The following KCNJ1 variants were observed in gnomAD, a reference collection of about 807,000 sequenced individuals.
The protein encoded by KCNJ1 is potassium inwardly rectifying channel subfamily J member 1, also known as ATP-sensitive inward rectifier potassium channel 1.
A neutral mutation model predicts 21.9 loss-of-function variants in KCNJ1; 24 were observed. That is an observed-to-expected ratio of 1.10 (90% CI 0.79 to 1.54). KCNJ1 has a LOEUF of 1.54. KCNJ1 is among the 40% of genes most tolerant of loss of function. The pLI is 0.00. For missense variants in KCNJ1, 457 were observed against 455.4 expected, an observed-to-expected ratio of 1.00 and a Z score of -0.03; for synonymous variants, 152 against 160.9, an observed-to-expected ratio of 0.94 and a Z score of 0.42.
chr11:128,863,974 G>A (rs532225109), intron 1 of KCNJ1, among the ~76,000 whole-genome samples: 24 of 151,640 alleles, frequency 1.6e-4, no homozygotes, highest in African/African-American at 5.3e-4. Flanking sequence ...GCTTAGAATC[G>A]TCCTGCGTGG....
At chr11:128,856,231 T>C (rs1415792416) in intron 1 of KCNJ1, among the ~76,000 whole-genome samples, 1 of 131,934 alleles carries the variant, frequency 7.6e-6, no homozygotes, top group Admixed American at 7.6e-5. Context: ...GAGAAAAAGA[T>C]TGCCCATGGA....
In KCNJ1 at chr11:128,850,751, T is replaced by C. The variant is rs1943466410; in HGVS notation, c.-52A>G. ...TCAGAAGAGGTTCAGGAGATGATTT[T>C]CAAAACTTCATGTATAAGTAGATCT... On this transcript the variant is annotated 5_prime_UTR_variant, in exon 2 of 3. An upstream open reading frame in the 5' UTR loses its in-frame stop. Coordinates refer to ENST00000392666, the MANE Select transcript of KCNJ1 (RefSeq NM_153766.3). 1 of 985,334 alleles carries C rather than the reference T, an allele frequency of 1.0e-6. No homozygotes were observed. Among genetic ancestry groups the C allele is most frequent in the Non-Finnish European group, 1.2e-6 (1 of 829,932 alleles). 61.0% of individuals were successfully genotyped at this position (985,334 alleles called of 1,614,324 possible). A position where few individuals can be genotyped will look rare whatever the true frequency, so the allele number is the denominator to read the frequency against.
At position 128,855,897 on chromosome 11, in the gene KCNJ1, G is replaced by A. The variant is rs567032890; in HGVS notation, c.-191-5007C>T. Among the ~76,000 whole-genome samples the A allele has an allele frequency of 5.9e-5, 9 of 152,328 alleles. No homozygotes were observed. The South Asian group carries it at 1.9e-3, about 32-fold the overall frequency. ...TAACTCCCAGGTCTGGATTTGGGCA[G>A]GCAGCTCTCACCTGCCAGACCCAAG... On this transcript the variant is annotated intron_variant, in intron 1 of 2. Transcript: ENST00000392666.
chr11:128,859,913 G>C (rs1482076232), intron 1 of KCNJ1, among the ~76,000 whole-genome samples: 1 of 152,248 alleles, frequency 6.6e-6, no homozygotes, highest in Non-Finnish European at 1.5e-5. Flanking sequence ...AAAAGTACCC[G>C]TAAGTAGGCA....
At chr11:128,853,241 C>G (rs1943509404) in intron 1 of KCNJ1, among the ~76,000 whole-genome samples, 1 of 152,106 alleles carries the variant, frequency 6.6e-6, no homozygotes, top group Non-Finnish European at 1.5e-5. Flanking sequence ...TCATAATAGC[C>G]AAAGAGTGGA....
intron 2 of KCNJ1, among the ~76,000 whole-genome samples, chr11:128,845,742 G>C (rs993633094): frequency 6.6e-6 from 1 of 152,216 alleles, no homozygotes; most frequent in African/African-American, 2.4e-5. Context: ...GGGCATAGAA[G>C]AGGGCATCTG....
chr11:128,842,057 C>T (rs1235382698), intron 2 of KCNJ1, among the ~76,000 whole-genome samples: 2 of 152,228 alleles, frequency 1.3e-5, no homozygotes, highest in African/African-American at 4.8e-5. Flanking sequence ...ACACTGTTTA[C>T]CCAGCTCTCC....
chr11:128,862,286 T>C lies in KCNJ1; in HGVS notation c.-192+4887A>G, dbSNP rs574141983. ...CAGCCTCCGTCCCCAGCAGACCTCATCCTGTCTCTTCAGTGGTGAGCATTG... is the reference window on the plus strand; with the variant it reads ...CAGCCTCCGTCCCCAGCAGACCTCACCCTGTCTCTTCAGTGGTGAGCATTG... On this transcript the variant is annotated intron_variant, in intron 1 of 2. Coordinates refer to ENST00000392666, the MANE Select transcript of KCNJ1 (RefSeq NM_153766.3). 2.0e-5 allele frequency among the ~76,000 whole-genome samples: 3 copies of C among 152,254 alleles called. No homozygotes were observed. In the East Asian group the frequency reaches 5.8e-4, roughly 29 times the overall value.
rs560523430 is a variant in KCNJ1 at position 128,863,071 on chromosome 11, G to A, written c.-192+4102C>T. On this transcript the variant is annotated intron_variant, in intron 1 of 2. Coordinates refer to ENST00000392666, the MANE Select transcript of KCNJ1 (RefSeq NM_153766.3). ...TCCTGAGAATTTAATCAAGGGCAAC[G>A]AACCATGAGACTTCCCCTACGGGTA... is the stretch of plus-strand genomic sequence containing the variant. 7.8e-4 allele frequency among the ~76,000 whole-genome samples: 119 copies of A among 152,324 alleles called. 1 individual carries two copies. Among genetic ancestry groups the A allele is most frequent in the Non-Finnish European group, 6.3e-4 (43 of 68,024 alleles).
intron 2 of KCNJ1, chr11:128,842,378 T>C: frequency 6.2e-7 from 1 of 1,613,828 alleles, no homozygotes; most frequent in Non-Finnish European, 8.5e-7. Context: ...CAGCCTCCAC[T>C]TACCAACGTG....
chr11:128,842,161 T>C (rs1251280497), intron 2 of KCNJ1, among the ~76,000 whole-genome samples: 1 of 152,252 alleles, frequency 6.6e-6, no homozygotes, highest in African/African-American at 2.4e-5. Context: ...ATTCCAGAGA[T>C]GGCTCCTAAC....
chr11:128,846,794 G>A (rs1250256756), intron 2 of KCNJ1, among the ~76,000 whole-genome samples: 2 of 152,118 alleles, frequency 1.3e-5, no homozygotes, highest in Non-Finnish European at 2.9e-5. Flanking sequence ...GCCACTGGAA[G>A]GTGACCTCGT....
intron 2 of KCNJ1, among the ~76,000 whole-genome samples, chr11:128,845,690 G>T (rs1215894893): frequency 2.0e-5 from 3 of 152,218 alleles, no homozygotes; most frequent in African/African-American, 7.2e-5. Flanking sequence ...TTTTTAGATA[G>T]AACTTGGCAA....
At chr11:128,840,382 T>C in intron 2 of KCNJ1, 118 bp from the exon 3 acceptor site, 1 of 985,346 alleles carries the variant, frequency 1.0e-6, no homozygotes, top group Non-Finnish European at 1.6e-6. Context: ...GGGTTACTAA[T>C]CATTTGGCAA....
chr11:128,853,332 A>G (rs1943512111), intron 1 of KCNJ1, among the ~76,000 whole-genome samples: 1 of 152,282 alleles, frequency 6.6e-6, no homozygotes, highest in Non-Finnish European at 1.5e-5. Context: ...AATATTATTC[A>G]GCTCTAAAAA....
chr11:128,843,943 T>C (rs1196507588), intron 2 of KCNJ1, among the ~76,000 whole-genome samples: 8 of 152,154 alleles, frequency 5.3e-5, no homozygotes, highest in Non-Finnish European at 8.8e-5. Flanking sequence ...TGACCAGTGA[T>C]GAATGCCAGG....
At chr11:128,846,895 C>G (rs566843860) in intron 2 of KCNJ1, among the ~76,000 whole-genome samples, 3 of 152,234 alleles carry the variant, frequency 2.0e-5, no homozygotes, top group African/African-American at 7.2e-5. Flanking sequence ...CAGCCTCAGA[C>G]CAGGCCACTC....
intron 2 of KCNJ1, chr11:128,842,358 G>A (rs1943297050): frequency 1.2e-6 from 2 of 1,613,470 alleles, no homozygotes; most frequent in Admixed American, 1.7e-5. Flanking sequence ...TTCCAGAGAG[G>A]TGATTTCCCC....
intron 1 of KCNJ1, among the ~76,000 whole-genome samples, chr11:128,862,740 G>T (rs149610924): frequency 3.3e-5 from 5 of 152,306 alleles, no homozygotes; most frequent in African/African-American, 1.2e-4. Flanking sequence ...CTTAGCCCAT[G>T]CCTGTGGCTT....
Sources: gnomAD v4.1 joint callset for allele counts (sites outside exome capture counted in the v4.1 genomes callset) on GRCh38, gnomAD v4.1.1 for gene constraint, MANE v1.5 for transcripts, NCBI Gene and HGNC (gene_info 2026-07-23, HGNC 2026-07-21) for gene names.